The following CDC45 variants were observed in gnomAD, a reference collection of about 807,000 sequenced individuals.
CDC45 encodes cell division control protein 45 homolog.
A neutral mutation model predicts 77.8 loss-of-function variants in CDC45; 54 were observed. The ratio of observed to expected loss-of-function variants is 0.69; its 90% CI spans 0.56 to 0.87. The LOEUF (loss-of-function observed/expected upper bound fraction) is 0.87, where lower values mean the gene tolerates loss of function less well. CDC45 is among the 40% of genes least tolerant of loss of function. CDC45 has a pLI of 0.00. For synonymous variants in CDC45, 260 were observed against 272.1 expected (o/e 0.96, Z 0.44); for missense variants, 649 against 721.6 (o/e 0.90, Z 1.15).
At chr22:19,479,596 G>C (rs953464591), upstream of CDC45, 3 of 602,518 alleles carry the variant, frequency 5.0e-6, no homozygotes, top group Non-Finnish European at 9.6e-6. Flanking sequence ...TTAATGTATG[G>C]TTAGAAGTAT....
rs1330284851 is a variant in CDC45 at position 19,518,860 on chromosome 22, T to A, written c.1653T>A (p.Ala551=). 5 of 1,614,110 alleles carry A rather than the reference T, an allele frequency of 3.1e-6. No individual in the cohort carries two copies. In the South Asian group the frequency reaches 4.4e-5, roughly 14 times the overall value. ...TTACTTCAGTAATTGAGCTGAAAGCTGAGGATCGGAGCAAGTTTCTGGACG... is the reference window on the plus strand; with the variant it reads ...TTACTTCAGTAATTGAGCTGAAAGCAGAGGATCGGAGCAAGTTTCTGGACG... ...HFDLSVIELK[A]EDRSKFLDAL... The change falls in exon 18 of 19, where the codon GCT becomes GCA. Residue 551 remains alanine, a synonymous_variant. Transcript: ENST00000263201.
At position 19,508,674 on chromosome 22, in the gene CDC45, T is replaced by C; in HGVS notation, c.1200T>C (p.Ala400=). 1 of 1,614,022 alleles carries C rather than the reference T, an allele frequency of 6.2e-7. No homozygotes were observed. Among genetic ancestry groups the C allele is most frequent in the Non-Finnish European group, 8.5e-7 (1 of 1,179,970 alleles). Residue 400 remains alanine, a synonymous_variant, in exon 13 of 19, where the codon GCT becomes GCC. Coordinates refer to ENST00000263201, the MANE Select transcript of CDC45 (RefSeq NM_003504.5). ...DGSGTDHFIQ[A]LDSLSRSNLD... ...CAGGGACAGATCACTTCATCCAGGC[T>C]CTGGACAGCCTCTCCAGGTAGCAGG... is the stretch of plus-strand genomic sequence containing the variant.
rs1601948791 is a variant in CDC45 at position 19,497,321 on chromosome 22, G to A, written c.592-65G>A. 3.4e-6 allele frequency: 5 copies of A among 1,485,148 alleles called. No individual in the cohort carries two copies. In the East Asian group the frequency reaches 6.8e-5, roughly 20 times the overall value. 92.0% of individuals were successfully genotyped at this position (1,485,148 alleles called of 1,614,324 possible). On this transcript the variant is annotated intron_variant, in intron 7 of 18. Coordinates refer to ENST00000263201, the MANE Select transcript of CDC45 (RefSeq NM_003504.5). Reference sequence around the variant, plus strand: ...GCCCTTCTGGCTCAAGTCCAGTCTGGCTGCATGGCCCAGCCCCAGCACATG... The same window carrying A: ...GCCCTTCTGGCTCAAGTCCAGTCTGACTGCATGGCCCAGCCCCAGCACATG...
chr22:19,511,008 T>C (rs1424378459), intron 13 of CDC45, among the ~76,000 whole-genome samples: 1 of 152,230 alleles, frequency 6.6e-6, no homozygotes, highest in African/African-American at 2.4e-5. Context: ...GTTATATACC[T>C]ACATGTGGAA....
intron 5 of CDC45, among the ~76,000 whole-genome samples, chr22:19,492,667 T>C (rs533228591): frequency 9.2e-5 from 14 of 152,212 alleles, no homozygotes; most frequent in Non-Finnish European, 1.9e-4. Context: ...TGATGAGTAA[T>C]CTTCAAATGA....
chr22:19,495,696 C>T (rs1000191251), intron 6 of CDC45, among the ~76,000 whole-genome samples: 1 of 152,100 alleles, frequency 6.6e-6, no homozygotes, highest in East Asian at 1.9e-4. Flanking sequence ...GTGGCACATG[C>T]CTGTAGCCCC....
At chr22:19,481,304 T>C (rs186153628) in intron 3 of CDC45, among the ~76,000 whole-genome samples, 49 of 152,356 alleles carry the variant, frequency 3.2e-4, no homozygotes, top group African/African-American at 1.1e-3. Flanking sequence ...GAAATTTGAT[T>C]GTAAGGTGCT....
intron 17 of CDC45, among the ~76,000 whole-genome samples, chr22:19,517,953 TCAA>T (rs1286428176): frequency 6.6e-6 from 1 of 152,236 alleles, no homozygotes; most frequent in Non-Finnish European, 1.5e-5. Flanking sequence ...CACGGATTCC[TCAA>T]CAATGATAGA....
At position 19,516,521 on chromosome 22, in the gene CDC45, C is replaced by T; in HGVS notation, c.1441-6C>T. On this transcript the variant is annotated splice_region_variant and splice_polypyrimidine_tract_variant and intron_variant, in intron 15 of 18. Transcript: ENST00000263201. ...CCCTGACGGAGGGTGCTCTCCGACT[C>T]CATAGACAAAGAACCGGCGCTGCAA... 1.2e-6 allele frequency: 2 copies of T among 1,612,282 alleles called. No individual in the cohort carries two copies. The highest frequency in any genetic ancestry group is 1.7e-6 in the Non-Finnish European group (2 of 1,178,548).
chr22:19,480,459 T>C (rs2089960760), intron 2 of CDC45, among the ~76,000 whole-genome samples: 1 of 152,172 alleles, frequency 6.6e-6, no homozygotes, highest in Non-Finnish European at 1.5e-5. Flanking sequence ...TTTGTATTTT[T>C]GCAATAAGCT....
chr22:19,480,866 C>A, intron 2 of CDC45, 87 bp from the exon 3 acceptor site: 1 of 810,080 alleles, frequency 1.2e-6, no homozygotes, highest in Non-Finnish European at 2.0e-6. Context: ...TTTTGTCTCT[C>A]AACCCGTCTA....
At chr22:19,505,253 G>A in intron 9 of CDC45, 109 bp from the exon 10 acceptor site, 1 of 1,295,172 alleles carries the variant, frequency 7.7e-7, no homozygotes, top group South Asian at 1.3e-5. Flanking sequence ...CAGCTCCTGT[G>A]GTGAGCAGGC....
At position 19,482,739 on chromosome 22, in the gene CDC45, A is replaced by G; in HGVS notation, c.254A>G (p.Asp85Gly). The G allele has an allele frequency of 6.2e-7, 1 of 1,612,554 alleles. No homozygotes were observed. Among genetic ancestry groups the G allele is most frequent in the South Asian group, 1.1e-5 (1 of 91,036 alleles). Residue 85 changes from aspartate to glycine, a missense_variant, in exon 4 of 19, where the codon GAT (aspartate) becomes GGT (glycine). Physicochemically the swap from Asp to Gly is moderately conservative, Grantham distance 94. Transcript: ENST00000263201. ...INCGANVDLL[D>G]ILQPDEDTIF... ...TGTGGAGCTAATGTAGACCTATTGG[A>G]TATTCTTCAACCTGATGAAGACACT...
In CDC45 at chr22:19,520,024, C is replaced by T. The variant is rs1294666892; in HGVS notation, c.*2-457C>T. 6.6e-6 allele frequency among the ~76,000 whole-genome samples: 1 copy of T among 152,188 alleles called. No individual in the cohort carries two copies. The highest frequency in any genetic ancestry group is 1.9e-4 in the East Asian group (1 of 5,188). On this transcript the variant is annotated intron_variant, in intron 18 of 18. Transcript: ENST00000263201. This position sits in a 1 kb window ranked among gnomAD's most constrained non-coding sequence, Gnocchi z 4.5. ...CATCACAGGACTGCATAGGGTGGGGCGGAGGCAGAGGTGGGGCTCTCTGGC... is the reference window on the plus strand; with the variant it reads ...CATCACAGGACTGCATAGGGTGGGGTGGAGGCAGAGGTGGGGCTCTCTGGC...
At chr22:19,499,238 G>T in intron 9 of CDC45, 87 bp downstream of exon 9, 1 of 1,404,786 alleles carries the variant, frequency 7.1e-7, no homozygotes. Flanking sequence ...GTTTTTAGCA[G>T]GGTCCCTGTA....
chr22:19,516,886 C>T lies in CDC45; in HGVS notation c.1629C>T (p.Asp543=), dbSNP rs758726952. The T allele has an allele frequency of 6.2e-7, 1 of 1,613,404 alleles. No homozygotes were observed. The highest frequency in any genetic ancestry group is 1.1e-5 in the South Asian group (1 of 91,064). ...CCCGGATGCTGCACAACCATTTTGA[C>T]CTCTCAGGTGAGAGTCTCCTGCCAC... ...TSSRMLHNHF[D]LSVIELKAED... Residue 543 remains aspartate, a synonymous_variant, in exon 17 of 19, where the codon GAC becomes GAT. Transcript: ENST00000263201.
At chr22:19,489,234 G>A (rs2090119266) in intron 5 of CDC45, among the ~76,000 whole-genome samples, 1 of 151,882 alleles carries the variant, frequency 6.6e-6, no homozygotes, top group Non-Finnish European at 1.5e-5. Context: ...GCACTCTAAA[G>A]GTTAGAAATC....
intron 9 of CDC45, chr22:19,504,929 G>A (rs1436565317): frequency 1.1e-5 from 2 of 181,724 alleles, no homozygotes; most frequent in African/African-American, 2.4e-5. Flanking sequence ...AGAGCACGCC[G>A]ACCTAGTGAC....
rs1933803007 is a variant in CDC45, at chr22:19,516,574, C to A, written c.1488C>A (p.Pro496=). Residue 496 remains proline, a synonymous_variant, in exon 16 of 19, where the codon CCC becomes CCA. Coordinates refer to ENST00000263201, the MANE Select transcript of CDC45 (RefSeq NM_003504.5). ...TGCTGCCCCTGGTGATGGCTGCCCC[C>A]CTGAGCATGGAGCATGGCACAGTGA... ...CKLLPLVMAA[P]LSMEHGTVTV... is the part of the protein sequence containing the mutation. 1.9e-6 allele frequency: 3 copies of A among 1,613,958 alleles called. No individual in the cohort carries two copies. The highest frequency in any genetic ancestry group is 2.5e-6 in the Non-Finnish European group (3 of 1,179,996).
Sources: allele counts gnomAD v4.1 joint callset (sites outside exome capture counted in the v4.1 genomes callset), GRCh38; gene constraint gnomAD v4.1.1; non-coding constraint Gnocchi (gnomAD v3.1); transcripts MANE v1.5; gene names NCBI Gene and HGNC (gene_info 2026-07-23, HGNC 2026-07-21).